FAM53B: variants seen among roughly 807,000 people sequenced by gnomAD.
The protein encoded by FAM53B is family with sequence similarity 53 member B, also known as protein FAM53B.
FAM53B carries 12 observed loss-of-function variants against 32.7 expected under a neutral mutation model. The observed-to-expected ratio is 0.37, with a 90% confidence interval of 0.24 to 0.59. FAM53B has a LOEUF of 0.59. FAM53B is among the 20% of genes least tolerant of loss of function. FAM53B has a pLI of 0.72. For synonymous variants in FAM53B, 234 were observed against 228.7 expected, an observed-to-expected ratio of 1.02 and a Z score of -0.21; for missense variants, 477 against 577.7, an observed-to-expected ratio of 0.83 and a Z score of 1.79.
intron 1 of FAM53B, among the ~76,000 whole-genome samples, chr10:124,714,556 C>A (rs537607399): frequency 2.4e-4 from 36 of 151,858 alleles, no homozygotes; most frequent in African/African-American, 8.0e-4. Flanking sequence ...GTCAGGAGAT[C>A]GAGACCATCC....
At chr10:124,665,797 C>T (rs1341337827) in intron 4 of FAM53B, among the ~76,000 whole-genome samples, 2 of 152,206 alleles carry the variant, frequency 1.3e-5, no homozygotes, top group East Asian at 3.8e-4. Context: ...CCTACAAGGG[C>T]CTGACTCACA....
At chr10:124,691,239 T>C (rs1377399065) in intron 3 of FAM53B, among the ~76,000 whole-genome samples, 3 of 152,206 alleles carry the variant, frequency 2.0e-5, no homozygotes, top group South Asian at 2.1e-4. Flanking sequence ...AACCCTTTTA[T>C]GTACAGAGTA....
At chr10:124,659,668 G>A (rs770090110) in intron 4 of FAM53B, among the ~76,000 whole-genome samples, 23 of 152,236 alleles carry the variant, frequency 1.5e-4, no homozygotes, top group Admixed American at 7.2e-4. Context: ...CAGAGTGGCT[G>A]CAAAACCACC....
chr10:124,671,088 A>T, intron 4 of FAM53B: 1 of 440,550 alleles, frequency 2.3e-6, no homozygotes, highest in Non-Finnish European at 4.7e-6. Flanking sequence ...AGGCTGGGGG[A>T]CAGAGGCAGC....
intron 4 of FAM53B, among the ~76,000 whole-genome samples, chr10:124,624,523 C>G (rs1354555064): frequency 1.3e-5 from 2 of 152,118 alleles, no homozygotes; most frequent in Non-Finnish European, 2.9e-5. Flanking sequence ...CCTTTGAGGC[C>G]CCAGAGAGAG....
At chr10:124,666,771 C>A (rs1354227439) in intron 4 of FAM53B, among the ~76,000 whole-genome samples, 1 of 152,236 alleles carries the variant, frequency 6.6e-6, no homozygotes, top group African/African-American at 2.4e-5. Flanking sequence ...CTCCCCGGGC[C>A]TCCCGGACCA....
intron 4 of FAM53B, among the ~76,000 whole-genome samples, chr10:124,647,278 T>C (rs1206361114): frequency 2.6e-5 from 4 of 152,112 alleles, no homozygotes; most frequent in Non-Finnish European, 5.9e-5. Context: ...GTGACTTGGA[T>C]GAATGGCGCA....
At chr10:124,707,028 C>T (rs1949964209) in intron 1 of FAM53B, 141 bp from the exon 2 acceptor site, 3 of 693,492 alleles carry the variant, frequency 4.3e-6, no homozygotes, top group Non-Finnish European at 6.1e-6. Context: ...GGAGAGTCAC[C>T]AAGGCCCAGA....
At chr10:124,698,823 G>A (rs569449808) in intron 2 of FAM53B, among the ~76,000 whole-genome samples, 4 of 152,164 alleles carry the variant, frequency 2.6e-5, no homozygotes, top group Non-Finnish European at 4.4e-5. Flanking sequence ...ATCAGACCAC[G>A]TCATTCTGTT....
At chr10:124,699,140 T>A (rs1272736556) in intron 2 of FAM53B, among the ~76,000 whole-genome samples, 3 of 152,230 alleles carry the variant, frequency 2.0e-5, no homozygotes, top group Admixed American at 1.3e-4. Context: ...TTAATGAACA[T>A]GGCAGGTATC....
chr10:124,741,946 G>A (rs1398980708), intron 1 of FAM53B, among the ~76,000 whole-genome samples: 1 of 152,230 alleles, frequency 6.6e-6, no homozygotes, highest in Non-Finnish European at 1.5e-5. Context: ...TTCTGCAGCA[G>A]TGAGGTTGCT....
intron 4 of FAM53B, among the ~76,000 whole-genome samples, chr10:124,679,686 C>A (rs1454477644): frequency 1.3e-5 from 2 of 152,246 alleles, no homozygotes; most frequent in East Asian, 3.9e-4. Context: ...CACTGCCAAG[C>A]AGGCGGCCAA....
At chr10:124,648,107 G>A (rs1949531124) in intron 4 of FAM53B, among the ~76,000 whole-genome samples, 1 of 152,138 alleles carries the variant, frequency 6.6e-6, no homozygotes, top group South Asian at 2.1e-4. Context: ...GCCCTGCAGG[G>A]CACAATGGCA....
chr10:124,711,134 A>G (rs758962983), intron 1 of FAM53B, among the ~76,000 whole-genome samples: 1 of 152,226 alleles, frequency 6.6e-6, no homozygotes, highest in African/African-American at 2.4e-5. Context: ...CTACTCGGCA[A>G]TAAGAAGGAA....
chr10:124,732,368 A>T (rs927962303), intron 1 of FAM53B, among the ~76,000 whole-genome samples: 2 of 152,280 alleles, frequency 1.3e-5, no homozygotes, highest in East Asian at 1.9e-4. Context: ...TCGTCGTCTT[A>T]CAAGTGCAGG....
At chr10:124,705,047 G>T (rs372495768) in intron 2 of FAM53B, among the ~76,000 whole-genome samples, 1 of 152,234 alleles carries the variant, frequency 6.6e-6, no homozygotes, top group African/African-American at 2.4e-5. Context: ...CACACCTCAG[G>T]TGCCTGCTGT....
At chr10:124,736,492 T>C (rs565279476) in intron 1 of FAM53B, among the ~76,000 whole-genome samples, 8 of 152,372 alleles carry the variant, frequency 5.3e-5, no homozygotes, top group Non-Finnish European at 1.0e-4. Context: ...GAACTTAGTC[T>C]TTCCACTTCC....
At chr10:124,702,516 C>T (rs1350986550) in intron 2 of FAM53B, among the ~76,000 whole-genome samples, 3 of 152,198 alleles carry the variant, frequency 2.0e-5, no homozygotes, top group Non-Finnish European at 4.4e-5. Context: ...TGGAGGGGCT[C>T]CAAGGCGATC....
At chr10:124,661,337 G>A (rs1949630033) in intron 4 of FAM53B, among the ~76,000 whole-genome samples, 2 of 152,208 alleles carry the variant, frequency 1.3e-5, no homozygotes, top group Non-Finnish European at 2.9e-5. Context: ...AGGTCATGCT[G>A]TGATGAGAAT....
Sources: gnomAD v4.1 joint callset for allele counts (sites outside exome capture counted in the v4.1 genomes callset) on GRCh38, gnomAD v4.1.1 for gene constraint, MANE v1.5 for transcripts, NCBI Gene and HGNC (gene_info 2026-07-23, HGNC 2026-07-21) for gene names.